The following CCDC92B variants were observed in gnomAD, a reference collection of about 807,000 sequenced individuals.
CCDC92B encodes coiled-coil domain-containing 92B.
In CCDC92B, 2 loss-of-function variants were observed where a neutral mutation model predicts 5.6. The observed-to-expected ratio is 0.36, with a 90% CI of 0.15 to 1.12. CCDC92B has a LOEUF of 1.12. CCDC92B is among the 50% of genes most tolerant of loss of function. The pLI is 0.40. For synonymous variants in CCDC92B, 115 were observed against 122.3 expected, an observed-to-expected ratio of 0.94 and a Z score of 0.39; for missense variants, 271 against 262.2, an observed-to-expected ratio of 1.03 and a Z score of -0.23.
chr17:2,747,112 C>T (rs898601850), intron 1 of CCDC92B, among the ~76,000 whole-genome samples: 8 of 152,158 alleles, frequency 5.3e-5, no homozygotes, highest in African/African-American at 1.2e-4. Context: ...CAGAGGAGGT[C>T]GCTGGAAGAG....
In CCDC92B at chr17:2,724,243, G is replaced by A. The variant is rs996363452; in HGVS notation, c.*168C>T. ...CTCGAAGCTTTGGAAACGTCGGGAA[G>A]TACAAAAGGCTGGCGGTTCGGGGAT... is the stretch of plus-strand genomic sequence containing the variant. On this transcript the variant is annotated 3_prime_UTR_variant, in exon 4 of 4. Transcript: ENST00000614400. The surrounding 1 kb of genome is among the most constrained non-coding windows in gnomAD (Gnocchi z 5.0). 1.0e-6 allele frequency: 1 copy of A among 985,158 alleles called. No individual in the cohort carries two copies. Among genetic ancestry groups the A allele is most frequent in the African/African-American group, 1.7e-5 (1 of 57,232 alleles). 61.0% of individuals were successfully genotyped at this position (985,158 alleles called of 1,614,324 possible).
At chr17:2,733,745 T>TG (rs1491229236) in intron 2 of CCDC92B, among the ~76,000 whole-genome samples, 6 of 8,346 alleles carry the variant, frequency 7.2e-4, no homozygotes, top group African/African-American at 1.5e-3. Flanking sequence ...GACCACTGGC[T>TG]TTTTTTTTTT....
intron 1 of CCDC92B, chr17:2,747,950 A>G (rs1039326543): frequency 1.2e-5 from 4 of 340,714 alleles, no homozygotes; most frequent in Non-Finnish European, 1.7e-5. Context: ...CACGTTGAAG[A>G]TTCTATTAAT....
chr17:2,725,967 C>T (rs2070723592), intron 3 of CCDC92B, among the ~76,000 whole-genome samples: 1 of 149,322 alleles, frequency 6.7e-6, no homozygotes, highest in Non-Finnish European at 1.5e-5. Context: ...CTTGTTTCCT[C>T]CATAGGGCAT....
At chr17:2,738,604 T>C (rs1454841722) in intron 1 of CCDC92B, among the ~76,000 whole-genome samples, 4 of 147,610 alleles carry the variant, frequency 2.7e-5, no homozygotes, top group Non-Finnish European at 5.9e-5. Flanking sequence ...ACTAAAAATA[T>C]AAAAAATTAG....
chr17:2,735,246 C>T, intron 1 of CCDC92B, 78 bp from the exon 2 acceptor site: 4 of 945,318 alleles, frequency 4.2e-6, no homozygotes, highest in Non-Finnish European at 5.0e-6. Flanking sequence ...TCACTGTCTC[C>T]TCCGCTCTAG....
chr17:2,735,056 G>C lies in CCDC92B; in HGVS notation c.90C>G (p.Asp30Glu). Residue 30 changes from aspartate to glutamate, a missense_variant, in exon 2 of 4, where the codon GAC becomes GAG. Physicochemically the swap from Asp to Glu is conservative, Grantham distance 45. Coordinates refer to ENST00000614400, the MANE Select transcript of CCDC92B (RefSeq NM_001355573.2). ...LKKEQMALLR[D>E]LHLEILRLQK... ...GCAGCCTCAGGATCTCCAGGTGCAG[G>C]TCTCGCAGCAGGGCCATCTGCTCCT... The C allele has an allele frequency of 1.0e-6, 1 of 985,554 alleles. No individual in the cohort carries two copies. The highest frequency in any genetic ancestry group is 1.2e-6 in the Non-Finnish European group (1 of 830,026). 61.1% of individuals were successfully genotyped at this position (985,554 alleles called of 1,614,324 possible).
At chr17:2,743,885 TTTA>T (rs1386381475) in intron 1 of CCDC92B, among the ~76,000 whole-genome samples, 1 of 152,162 alleles carries the variant, frequency 6.6e-6, no homozygotes, top group Non-Finnish European at 1.5e-5. Flanking sequence ...TGTATTTTTT[TTTA>T]TTTTTTTGAG....
rs2070646346 is a variant in CCDC92B at position 2,720,891 on chromosome 17, G to T, written c.*3520C>A. 1.3e-5 allele frequency: 2 copies of T among 152,364 alleles called. No homozygotes were observed. The highest frequency in any genetic ancestry group is 1.3e-4 in the Admixed American group (2 of 15,302). 9.4% of individuals were successfully genotyped at this position (152,364 alleles called of 1,614,324 possible). A position where few individuals can be genotyped will look rare whatever the true frequency, so the allele number is the denominator to read the frequency against. Reference sequence around the variant, plus strand: ...TTCTGTGGGTGAGTGAATACACTCTGAAAAGCATTGGATACAAAAGCGCAG... The same window carrying T: ...TTCTGTGGGTGAGTGAATACACTCTTAAAAGCATTGGATACAAAAGCGCAG... On this transcript the variant is annotated 3_prime_UTR_variant, in exon 4 of 4. Coordinates refer to ENST00000614400, the MANE Select transcript of CCDC92B (RefSeq NM_001355573.2).
chr17:2,733,339 A>G (rs2070818708), intron 2 of CCDC92B, among the ~76,000 whole-genome samples: 1 of 148,678 alleles, frequency 6.7e-6, no homozygotes, highest in Admixed American at 6.8e-5. Flanking sequence ...GGCTCACCGC[A>G]ACCTCCGCCT....
intron 3 of CCDC92B, among the ~76,000 whole-genome samples, chr17:2,727,669 CA>C (rs763009388): frequency 6.6e-6 from 1 of 151,994 alleles, no homozygotes; most frequent in Non-Finnish European, 1.5e-5. Flanking sequence ...ACTAAAAATA[CA>C]AAAATTAGCT....
chr17:2,747,348 T>G (rs1324132216), intron 1 of CCDC92B, among the ~76,000 whole-genome samples: 1 of 152,244 alleles, frequency 6.6e-6, no homozygotes, highest in Admixed American at 6.5e-5. Context: ...TTTCTTGTTT[T>G]AAGGAGAATG....
chr17:2,741,931 A>C (rs1483936656), intron 1 of CCDC92B, among the ~76,000 whole-genome samples: 2 of 144,094 alleles, frequency 1.4e-5, no homozygotes, highest in African/African-American at 5.2e-5. Context: ...GGTTGCAGTG[A>C]GCCGAGATCA....
chr17:2,746,654 T>C (rs1366048998), intron 1 of CCDC92B, among the ~76,000 whole-genome samples: 1 of 152,112 alleles, frequency 6.6e-6, no homozygotes, highest in East Asian at 1.9e-4. Context: ...AGTGGGAAAC[T>C]ACAGTTCTCT....
At chr17:2,726,997 T>C (rs2070738550) in intron 3 of CCDC92B, among the ~76,000 whole-genome samples, 1 of 150,518 alleles carries the variant, frequency 6.6e-6, no homozygotes, top group Admixed American at 6.7e-5. Context: ...CTCTATCACC[T>C]GGGCTTGAGT....
chr17:2,726,913 C>CTTTT (rs564106911), intron 3 of CCDC92B, among the ~76,000 whole-genome samples: 7 of 135,584 alleles, frequency 5.2e-5, no homozygotes, highest in East Asian at 4.1e-4. Context: ...ACGCCCAGCC[C>CTTTT]TTTTTTTTTT....
intron 1 of CCDC92B, among the ~76,000 whole-genome samples, chr17:2,747,071 T>C (rs1351616293): frequency 6.6e-6 from 1 of 152,188 alleles, no homozygotes; most frequent in Admixed American, 6.5e-5. Context: ...CCAGGTCCCC[T>C]GGCCTCTGCC....
chr17:2,734,490 A>G (rs2070835742), intron 2 of CCDC92B, among the ~76,000 whole-genome samples: 1 of 99,596 alleles, frequency 1.0e-5, no homozygotes, highest in Non-Finnish European at 1.9e-5. Flanking sequence ...CTCCCTAACC[A>G]GAGCTTTTTT....
intron 2 of CCDC92B, among the ~76,000 whole-genome samples, chr17:2,733,129 C>T (rs533798245): frequency 1.3e-4 from 20 of 151,376 alleles, no homozygotes; most frequent in South Asian, 6.2e-4. Flanking sequence ...TGGGTGAGGG[C>T]GCTCTGTTCC....
Sources: allele counts gnomAD v4.1 joint callset (sites outside exome capture counted in the v4.1 genomes callset), GRCh38; gene constraint gnomAD v4.1.1; non-coding constraint Gnocchi (gnomAD v3.1); transcripts MANE v1.5; gene names NCBI Gene and HGNC (gene_info 2026-07-23, HGNC 2026-07-21).